Variants in INTU observed in about 807,000 individuals in gnomAD.
INTU encodes the protein protein inturned.
A neutral mutation model predicts 100.5 loss-of-function variants in INTU; 68 were observed. The ratio of observed to expected loss-of-function variants is 0.68; its 90% CI spans 0.56 to 0.83. The LOEUF is 0.83. Ranked by LOEUF, INTU falls within the 40% of genes least tolerant of loss-of-function variation. The probability of loss-of-function intolerance (pLI) is 0.00; values close to 1 mark genes in which losing one functional copy is unlikely to be tolerated. For missense variants in INTU, 1,071 were observed against 1,114.7 expected (o/e 0.96, Z 0.56); for synonymous variants, 357 against 395.7 (o/e 0.90, Z 1.16).
Position 127,697,109 on chromosome 4 carries a change from G to T in INTU, c.1450-2901G>T, listed in dbSNP as rs76542950. 9.3e-3 allele frequency among the ~76,000 whole-genome samples: 1,419 copies of T among 152,210 alleles called. 24 individuals carry two copies. The highest frequency in any genetic ancestry group is 0.028 in the African/African-American group (1,170 of 41,552). Reference sequence around the variant, plus strand: ...CAGTAGTTACGTGAACTTAATCAAGGTCTTTTCCTTAATGGCTTCATTGAG... The same window carrying T: ...CAGTAGTTACGTGAACTTAATCAAGTTCTTTTCCTTAATGGCTTCATTGAG... On this transcript the variant is annotated intron_variant, in intron 8 of 15. Transcript: ENST00000335251.
At chr4:127,696,111 T>C (rs952195065) in intron 8 of INTU, among the ~76,000 whole-genome samples, 11 of 152,162 alleles carry the variant, frequency 7.2e-5, no homozygotes, top group Non-Finnish European at 1.3e-4. Context: ...TTGGAGGTTT[T>C]TGAATGTATG....
In INTU at chr4:127,721,808, T is replaced by G. The variant is rs1731349139; in HGVS notation, c.*5372T>G. The G allele has an allele frequency of 6.6e-6, 1 of 152,220 alleles. No individual in the cohort carries two copies. Among genetic ancestry groups the G allele is most frequent in the African/African-American group, 2.4e-5 (1 of 41,458 alleles). 9.4% of individuals were successfully genotyped at this position (152,220 alleles called of 1,614,324 possible). ...TTATAAAGTTCTCATGTTTTTCAGC[T>G]CCATCAGATCATTTACGTTCCTCTC... On this transcript the variant is annotated 3_prime_UTR_variant, in exon 16 of 16. Transcript: ENST00000335251.
chr4:127,679,448 C>G (rs1246324724), intron 6 of INTU, among the ~76,000 whole-genome samples: 1 of 152,172 alleles, frequency 6.6e-6, no homozygotes, highest in South Asian at 2.1e-4. Flanking sequence ...GATTAAGAAA[C>G]TCACTCAAAA....
At chr4:127,698,193 G>A (rs768651216) in intron 8 of INTU, among the ~76,000 whole-genome samples, 26 of 151,950 alleles carry the variant, frequency 1.7e-4, no homozygotes, top group Non-Finnish European at 2.8e-4. Context: ...AGCACTTTGG[G>A]AGTACACACC....
At chr4:127,707,094 C>A in intron 12 of INTU, 125 bp downstream of exon 12, 1 of 1,113,480 alleles carries the variant, frequency 9.0e-7, no homozygotes, top group Non-Finnish European at 1.3e-6. Context: ...TTATTTCAGT[C>A]ACTGCTGGCA....
chr4:127,657,354 G>A (rs1728278553), intron 3 of INTU, among the ~76,000 whole-genome samples: 1 of 152,128 alleles, frequency 6.6e-6, no homozygotes, highest in Non-Finnish European at 1.5e-5. Flanking sequence ...TTTGGTAACA[G>A]AGTATACCAT....
intron 2 of INTU, among the ~76,000 whole-genome samples, chr4:127,651,977 A>G (rs1265775413): frequency 6.7e-6 from 1 of 149,392 alleles, no homozygotes; most frequent in Non-Finnish European, 1.5e-5. Context: ...TTCTCTTTGA[A>G]GCAATTGTGA....
Position 127,726,101 on chromosome 4 carries a change from TTATCA to T in INTU, c.*9669_*9673del, listed in dbSNP as rs1191962580. On this transcript the variant is annotated 3_prime_UTR_variant, in exon 16 of 16. Coordinates refer to ENST00000335251, the MANE Select transcript of INTU (RefSeq NM_015693.4). Reference sequence around the variant, plus strand: ...TTTTAAAATATCAAATACTGTCTCATTATCATATGTTTAGCCCCCCCAAAATTACA... The same window carrying T: ...TTTTAAAATATCAAATACTGTCTCATTATGTTTAGCCCCCCCAAAATTACA... 6.6e-6 allele frequency: 1 copy of T among 152,206 alleles called. No homozygotes were observed. Among genetic ancestry groups the T allele is most frequent in the Non-Finnish European group, 1.5e-5 (1 of 68,020 alleles). 9.4% of individuals were successfully genotyped at this position (152,206 alleles called of 1,614,324 possible).
chr4:127,695,677 C>T (rs1730351644), intron 8 of INTU, among the ~76,000 whole-genome samples: 1 of 152,164 alleles, frequency 6.6e-6, no homozygotes, highest in Non-Finnish European at 1.5e-5. Context: ...TCTTCCTTCC[C>T]AATCACGTAT....
chr4:127,700,155 A>G (rs1730586803), intron 9 of INTU, 92 bp downstream of exon 9: 3 of 1,064,304 alleles, frequency 2.8e-6, no homozygotes, highest in Non-Finnish European at 2.8e-6. Flanking sequence ...TGGATATATA[A>G]TAATCTTGAA....
intron 5 of INTU, among the ~76,000 whole-genome samples, chr4:127,669,734 A>G (rs374008501): frequency 4.6e-5 from 7 of 151,830 alleles, no homozygotes; most frequent in African/African-American, 1.2e-4. Flanking sequence ...AAAATCTCCA[A>G]TGTCTGTTAT....
intron 8 of INTU, among the ~76,000 whole-genome samples, chr4:127,695,765 G>T (rs1482346194): frequency 6.6e-6 from 1 of 152,088 alleles, no homozygotes; most frequent in Non-Finnish European, 1.5e-5. Flanking sequence ...GGACATCCTT[G>T]CCCCTTTCTG....
rs1731267892 is a variant in INTU, at chr4:127,716,513, G to A, written c.*77G>A. The A allele has an allele frequency of 1.8e-6, 1 of 570,552 alleles. No individual in the cohort carries two copies. Among genetic ancestry groups the A allele is most frequent in the Non-Finnish European group, 3.0e-6 (1 of 335,340 alleles). 35.3% of individuals were successfully genotyped at this position (570,552 alleles called of 1,614,324 possible). The stretch of plus-strand genomic sequence containing the variant: ...AGAATTGCTGAAATCAATACACAAA[G>A]AGATAAAGTTTAGCTTCTTTTTACT... On this transcript the variant is annotated 3_prime_UTR_variant, in exon 16 of 16. Coordinates refer to ENST00000335251, the MANE Select transcript of INTU (RefSeq NM_015693.4).
At chr4:127,664,696 C>T (rs1728618367) in intron 4 of INTU, among the ~76,000 whole-genome samples, 1 of 151,894 alleles carries the variant, frequency 6.6e-6, no homozygotes, top group African/African-American at 2.4e-5. Flanking sequence ...TATCATAGAG[C>T]TTTATTTTAT....
chr4:127,640,748 T>C (rs1159239193), intron 1 of INTU, among the ~76,000 whole-genome samples: 1 of 151,344 alleles, frequency 6.6e-6, no homozygotes, highest in Non-Finnish European at 1.5e-5. Context: ...CTAAGCTGTA[T>C]TGTTAAGTGA....
intron 8 of INTU, among the ~76,000 whole-genome samples, chr4:127,692,306 A>G (rs188702814): frequency 6.6e-6 from 1 of 151,748 alleles, no homozygotes; most frequent in Non-Finnish European, 1.5e-5. Flanking sequence ...GTGGTATTGC[A>G]TTGTGGTTTT....
chr4:127,641,172 G>C (rs1051087475), intron 1 of INTU, among the ~76,000 whole-genome samples: 2 of 152,070 alleles, frequency 1.3e-5, no homozygotes, highest in Non-Finnish European at 2.9e-5. Flanking sequence ...CTCCTGCCTT[G>C]AGTCTTGTCC....
At chr4:127,649,896 G>C (rs1727760435) in intron 2 of INTU, among the ~76,000 whole-genome samples, 1 of 151,926 alleles carries the variant, frequency 6.6e-6, no homozygotes, top group African/African-American at 2.4e-5. Context: ...AAATAACTTT[G>C]GTATGTCTAT....
chr4:127,671,754 A>G (rs568711863), intron 5 of INTU, among the ~76,000 whole-genome samples: 3 of 152,228 alleles, frequency 2.0e-5, no homozygotes, highest in South Asian at 4.1e-4. Flanking sequence ...AATGTGGTGT[A>G]TGTATATACT....
Sources: gnomAD v4.1 joint callset for allele counts (sites outside exome capture counted in the v4.1 genomes callset) on GRCh38, gnomAD v4.1.1 for gene constraint, MANE v1.5 for transcripts, NCBI Gene and HGNC (gene_info 2026-07-23, HGNC 2026-07-21) for gene names.